Variants in RTN4RL1 observed in about 807,000 individuals in gnomAD.
RTN4RL1 encodes the protein reticulon-4 receptor-like 1.
RTN4RL1 carries 7 observed loss-of-function variants against 25.6 expected under a neutral mutation model. The ratio of observed to expected loss-of-function variants is 0.27; its 90% CI spans 0.16 to 0.51. RTN4RL1 has a LOEUF of 0.51. Ranked by LOEUF, RTN4RL1 falls within the 20% of genes least tolerant of loss-of-function variation. The pLI is 0.97. For missense variants in RTN4RL1, 500 were observed against 615.6 expected (o/e 0.81, Z 1.99); for synonymous variants, 297 against 288.2 (o/e 1.03, Z -0.31).
chr17:2,023,200 G>A (rs886451587), intron 1 of RTN4RL1, among the ~76,000 whole-genome samples: 1 of 152,164 alleles, frequency 6.6e-6, no homozygotes, highest in Non-Finnish European at 1.5e-5. Flanking sequence ...TTCTCGACCG[G>A]GGCAAGTTTG....
intron 1 of RTN4RL1, among the ~76,000 whole-genome samples, chr17:1,991,144 G>C (rs971932153): frequency 1.3e-5 from 2 of 152,146 alleles, no homozygotes; most frequent in Non-Finnish European, 2.9e-5. Context: ...GCTGATTTCT[G>C]TCTGTTCTAT....
chr17:2,021,379 T>C (rs879822279), intron 1 of RTN4RL1, among the ~76,000 whole-genome samples: 6 of 152,076 alleles, frequency 3.9e-5, no homozygotes, highest in Admixed American at 3.9e-4. Flanking sequence ...GAGGGGTTTT[T>C]TCTCTTCCCT....
intron 1 of RTN4RL1, among the ~76,000 whole-genome samples, chr17:1,945,658 TTCACTTTACCCCACAGC>T (rs1915521733): frequency 6.6e-6 from 1 of 152,232 alleles, no homozygotes; most frequent in Admixed American, 6.5e-5. Flanking sequence ...GCCGCCCTGC[TTCACTTTACCCCACAGC>T]ATTCCCCCTC....
At chr17:1,969,063 T>TTTTTTTC (rs2066806211) in intron 1 of RTN4RL1, among the ~76,000 whole-genome samples, 1 of 142,444 alleles carries the variant, frequency 7.0e-6, no homozygotes, top group African/African-American at 2.6e-5. Flanking sequence ...TGTCCCTTTT[T>TTTTTTTC]TTTTTTTTTT....
intron 1 of RTN4RL1, among the ~76,000 whole-genome samples, chr17:1,949,205 C>T (rs1464499735): frequency 1.8e-4 from 27 of 152,122 alleles, no homozygotes; most frequent in Admixed American, 1.8e-3. Flanking sequence ...TCATGATCTG[C>T]CCGCCTCGGC....
intron 1 of RTN4RL1, among the ~76,000 whole-genome samples, chr17:1,957,715 G>A (rs1374074314): frequency 1.3e-5 from 2 of 151,966 alleles, no homozygotes; most frequent in Non-Finnish European, 2.9e-5. Context: ...TTGGTGGCGG[G>A]CACCTGTAAT....
chr17:2,015,149 G>A (rs927800190), intron 1 of RTN4RL1, among the ~76,000 whole-genome samples: 8 of 152,202 alleles, frequency 5.3e-5, no homozygotes, highest in Admixed American at 1.3e-4. Context: ...AGGCAGTGGC[G>A]GAGGAGGTGC....
rs751839922 is a variant in RTN4RL1 at position 1,936,888 on chromosome 17, G to C, written c.934C>G (p.Gln312Glu). 1 of 1,605,598 alleles carries C rather than the reference G, an allele frequency of 6.2e-7. No homozygotes were observed. The highest frequency in any genetic ancestry group is 1.1e-5 in the South Asian group (1 of 90,250). ...RNCTGPASPH[Q>E]IKSHTLTTTD... Reference sequence around the variant, plus strand: ...GTGGTGAGCGTGTGTGACTTGATCTGGTGCGGGGACGCTGGTCCCGTGCAG... The same window carrying C: ...GTGGTGAGCGTGTGTGACTTGATCTCGTGCGGGGACGCTGGTCCCGTGCAG... Residue 312 changes from glutamine to glutamate, a missense_variant, in exon 2 of 2, where the codon CAG (glutamine) becomes GAG (glutamate). Physicochemically the swap from Gln to Glu is conservative, Grantham distance 29. Coordinates refer to ENST00000331238, the MANE Select transcript of RTN4RL1 (RefSeq NM_178568.4).
At chr17:1,941,050 G>A (rs1284470866) in intron 1 of RTN4RL1, among the ~76,000 whole-genome samples, 1 of 152,178 alleles carries the variant, frequency 6.6e-6, no homozygotes, top group Non-Finnish European at 1.5e-5. Flanking sequence ...GCTTACTGGA[G>A]TTTACAAAGT....
chr17:2,022,371 C>T (rs1433014864), intron 1 of RTN4RL1, among the ~76,000 whole-genome samples: 2 of 152,070 alleles, frequency 1.3e-5, no homozygotes, highest in Non-Finnish European at 1.5e-5. Flanking sequence ...GAGCTGGCCT[C>T]GAACTCCTGG....
At chr17:1,995,549 C>T (rs1457802136) in intron 1 of RTN4RL1, 1 of 152,168 alleles carries the variant, frequency 6.6e-6, no homozygotes, top group African/African-American at 2.4e-5. Context: ...AGGCTCATAC[C>T]CCAGATGAGG....
At chr17:2,012,954 C>T (rs544472955) in intron 1 of RTN4RL1, among the ~76,000 whole-genome samples, 23 of 152,194 alleles carry the variant, frequency 1.5e-4, no homozygotes, top group African/African-American at 5.3e-4. Flanking sequence ...CCACCATGCC[C>T]AACTAAATTT....
chr17:2,022,868 G>A (rs2067226804), intron 1 of RTN4RL1, among the ~76,000 whole-genome samples: 1 of 152,218 alleles, frequency 6.6e-6, no homozygotes, highest in Non-Finnish European at 1.5e-5. Flanking sequence ...ACACGTGACT[G>A]CTAAGCCTCC....
In RTN4RL1 at chr17:1,937,011, G is replaced by A; in HGVS notation, c.811C>T (p.Gln271Ter). ...CRARSLWEWL[Q>*]RFRGSSSAVP... ...GCGGAGCTGGAGCCCCGGAACCTCT[G>A]CAGCCATTCCCACAGGGAGCGCGCG... Residue 271 changes from glutamine (Q) to a stop codon, truncating the protein, a stop_gained, in exon 2 of 2, where the codon CAG becomes TAG. Coordinates refer to ENST00000331238, the MANE Select transcript of RTN4RL1 (RefSeq NM_178568.4). LOFTEE classifies it high-confidence loss of function. 1.9e-6 allele frequency: 3 copies of A among 1,604,586 alleles called. No homozygotes were observed. Among genetic ancestry groups the A allele is most frequent in the Non-Finnish European group, 2.5e-6 (3 of 1,178,248 alleles).
intron 1 of RTN4RL1, among the ~76,000 whole-genome samples, chr17:1,959,283 T>C (rs1327193906): frequency 3.3e-5 from 5 of 152,260 alleles, no homozygotes; most frequent in Non-Finnish European, 7.3e-5. Flanking sequence ...GAGGCAGTCC[T>C]ATCATGGTAT....
At chr17:1,981,607 A>G (rs1415875999) in intron 1 of RTN4RL1, among the ~76,000 whole-genome samples, 2 of 152,138 alleles carry the variant, frequency 1.3e-5, no homozygotes, top group Non-Finnish European at 2.9e-5. Context: ...GTCCACCCTG[A>G]GCAGCCTCAC....
rs1915277538 is a variant in RTN4RL1, at chr17:1,935,546, C to T, written c.*950G>A. The T allele has an allele frequency of 4.1e-6, 4 of 985,466 alleles. No homozygotes were observed. Among genetic ancestry groups the T allele is most frequent in the South Asian group, 4.7e-5 (1 of 21,280 alleles). The allele number at this position is 985,466 out of a possible 1,614,324, so 61.0% of individuals were successfully genotyped here. A position where few individuals can be genotyped will look rare whatever the true frequency, so the allele number is the denominator to read the frequency against. On this transcript the variant is annotated 3_prime_UTR_variant, in exon 2 of 2. Transcript: ENST00000331238. ...TTGGCAAGGCCAGGTCCCTTGGAGA[C>T]TATCGTTGCCAGTTTGGGATTCTAG...
chr17:2,013,738 C>T (rs1054883517), intron 1 of RTN4RL1, among the ~76,000 whole-genome samples: 1 of 111,936 alleles, frequency 8.9e-6, no homozygotes, highest in Non-Finnish European at 1.8e-5. Context: ...ATAAATACCC[C>T]AGCTCCCTCA....
At chr17:1,986,344 C>T (rs1286772409) in intron 1 of RTN4RL1, among the ~76,000 whole-genome samples, 5 of 152,056 alleles carry the variant, frequency 3.3e-5, no homozygotes, top group African/African-American at 1.2e-4. Context: ...GTGACTTGCC[C>T]AAGGTCCCTG....
Sources: gnomAD v4.1 joint callset for allele counts (sites outside exome capture counted in the v4.1 genomes callset) on GRCh38, gnomAD v4.1.1 for gene constraint, MANE v1.5 for transcripts, NCBI Gene and HGNC (gene_info 2026-07-23, HGNC 2026-07-21) for gene names.